Variants in FOXP4 observed in about 807,000 individuals in gnomAD.
FOXP4 encodes forkhead box protein P4.
FOXP4 carries 25 observed loss-of-function variants against 82.6 expected under a neutral mutation model. That is an observed-to-expected ratio of 0.30 (90% CI 0.22 to 0.42). The LOEUF is 0.42. Ranked by LOEUF, FOXP4 falls within the 10% of genes least tolerant of loss-of-function variation. The pLI is 1.00. For synonymous variants in FOXP4, 415 were observed against 388.2 expected, an observed-to-expected ratio of 1.07 and a Z score of -0.81; for missense variants, 785 against 900.9, an observed-to-expected ratio of 0.87 and a Z score of 1.65.
intron 1 of FOXP4, 148 bp downstream of exon 1, chr6:41,547,015 A>G (rs1763666928): frequency 6.6e-6 from 1 of 150,888 alleles, no homozygotes; most frequent in Non-Finnish European, 1.5e-5. Context: ...GCCGGGCGCC[A>G]GGAGGAGCCG....
At chr6:41,582,358 G>C (rs1396270754) in intron 3 of FOXP4, among the ~76,000 whole-genome samples, 3 of 152,206 alleles carry the variant, frequency 2.0e-5, no homozygotes, top group Non-Finnish European at 1.5e-5. Flanking sequence ...GTGCCGTGCT[G>C]GGCACATAAT....
Position 41,580,462 on chromosome 6 carries a change from G to A in FOXP4, c.300+2381G>A, listed in dbSNP as rs775868497. On this transcript the variant is annotated intron_variant, in intron 3 of 16. Transcript: ENST00000307972. ...GTAATAATGCCAATATTTCCCTGGT[G>A]TAGAAGCCTAGGCCAGATGGTTCTC... 9.2e-5 allele frequency among the ~76,000 whole-genome samples: 14 copies of A among 152,320 alleles called. No homozygotes were observed. The East Asian group carries it at 9.7e-4, about 11-fold the overall frequency.
chr6:41,586,858 C>T lies in FOXP4; in HGVS notation c.511-151C>T, dbSNP rs1466118885. ...GCATGCAGCCTTATGGAAGCTGGGCCGGGAGCAGAGACACTGCAGCTGCAG... is the reference window on the plus strand; with the variant it reads ...GCATGCAGCCTTATGGAAGCTGGGCTGGGAGCAGAGACACTGCAGCTGCAG... On this transcript the variant is annotated intron_variant, in intron 5 of 16. Coordinates refer to ENST00000307972, the MANE Select transcript of FOXP4 (RefSeq NM_001012426.2). 2.0e-5 allele frequency: 26 copies of T among 1,320,272 alleles called. 1 individual carries two copies. Among genetic ancestry groups the T allele is most frequent in the East Asian group, 7.6e-5 (3 of 39,326 alleles). 81.8% of individuals were successfully genotyped at this position (1,320,272 alleles called of 1,614,324 possible).
intron 1 of FOXP4, among the ~76,000 whole-genome samples, chr6:41,551,739 A>G (rs903267269): frequency 1.3e-5 from 2 of 152,188 alleles, no homozygotes; most frequent in Non-Finnish European, 2.9e-5. Flanking sequence ...AAGTTACTCA[A>G]GTAGCAGCAA....
rs544093628 is a variant in FOXP4 at position 41,597,096 on chromosome 6, G to A, written c.1659-80G>A. 662 of 1,460,588 alleles carry A rather than the reference G, an allele frequency of 4.5e-4. 2 individuals are homozygous for A. The South Asian group carries it at 5.9e-3, about 13-fold the overall frequency. 90.5% of individuals were successfully genotyped at this position (1,460,588 alleles called of 1,614,324 possible). A position where few individuals can be genotyped will look rare whatever the true frequency, so the allele number is the denominator to read the frequency against. ...ATGGGACCCATTCCCAGCACAGGCC[G>A]TTACTTAGTGAGAGTAAAGAGATGC... On this transcript the variant is annotated intron_variant, in intron 14 of 16. Coordinates refer to ENST00000307972, the MANE Select transcript of FOXP4 (RefSeq NM_001012426.2).
intron 2 of FOXP4, among the ~76,000 whole-genome samples, chr6:41,569,904 C>A (rs1361751367): frequency 1.3e-5 from 2 of 151,816 alleles, no homozygotes; most frequent in Non-Finnish European, 1.5e-5. Context: ...CCTCACCCCC[C>A]CTTCAAAGAG....
At chr6:41,572,945 T>C (rs1765280243) in intron 2 of FOXP4, among the ~76,000 whole-genome samples, 1 of 152,168 alleles carries the variant, frequency 6.6e-6, no homozygotes, top group African/African-American at 2.4e-5. Context: ...TACCTATTTT[T>C]TGACCCACTA....
chr6:41,570,110 A>ACACACACACACG lies in FOXP4; in HGVS notation c.204+4153_204+4154insACACGCACACAC, dbSNP rs1554173100. On this transcript the variant is annotated intron_variant, in intron 2 of 16. Coordinates refer to ENST00000307972, the MANE Select transcript of FOXP4 (RefSeq NM_001012426.2). ...CACACACACACACACACACACACACACACACACGCAGTCAACAGTTGTCTT... is the reference window on the plus strand; with the variant it reads ...CACACACACACACACACACACACACACACACACACACGCACACACGCAGTCAACAGTTGTCTT... The ACACACACACACG allele has an allele frequency of 5.2e-5, 18 of 345,930 alleles. 1 individual carries two copies. The highest frequency in any genetic ancestry group is 3.5e-4 in the African/African-American group (16 of 45,732). 21.4% of individuals were successfully genotyped at this position (345,930 alleles called of 1,614,324 possible).
At chr6:41,570,368 C>T (rs1419607448) in intron 2 of FOXP4, 1 of 471,286 alleles carries the variant, frequency 2.1e-6, no homozygotes. Context: ...TGCTCAGAAA[C>T]TGCCCTTTCC....
intron 2 of FOXP4, chr6:41,570,202 T>C (rs1024461333): frequency 9.4e-6 from 4 of 425,758 alleles, no homozygotes; most frequent in African/African-American, 2.0e-5. Flanking sequence ...TTCTACTGTT[T>C]CCTGTCTGAT....
chr6:41,597,306 G>A lies in FOXP4; in HGVS notation c.1725+64G>A, dbSNP rs1171344045. 5 of 1,543,218 alleles carry A rather than the reference G, an allele frequency of 3.2e-6. No individual in the cohort carries two copies. In the Admixed American group the frequency reaches 8.4e-5, roughly 26 times the overall value. ...CGCCCCCTTGCTTTCTCATACAAGA[G>A]ACCCCCATCCTCCCCTGCAGAGGAC... On this transcript the variant is annotated intron_variant, in intron 15 of 16. Coordinates refer to ENST00000307972, the MANE Select transcript of FOXP4 (RefSeq NM_001012426.2).
intron 15 of FOXP4, among the ~76,000 whole-genome samples, chr6:41,597,506 G>A (rs1304409737): frequency 4.6e-5 from 7 of 152,200 alleles, no homozygotes; most frequent in Non-Finnish European, 7.3e-5. Flanking sequence ...GTCAGTCTGG[G>A]GGTTCTCTGT....
In FOXP4 at chr6:41,558,661, A is replaced by T. The variant is rs942360652; in HGVS notation, c.-16-7084A>T. Among the ~76,000 whole-genome samples, 3 of 152,214 alleles carry T rather than the reference A, an allele frequency of 2.0e-5. No homozygotes were observed. Among genetic ancestry groups the T allele is most frequent in the Non-Finnish European group, 2.9e-5 (2 of 68,024 alleles). On this transcript the variant is annotated intron_variant, in intron 1 of 16. Transcript: ENST00000307972. The surrounding 1 kb of genome is among the most constrained non-coding windows in gnomAD (Gnocchi z 4.0). The stretch of plus-strand genomic sequence containing the variant: ...AAATGAGTGGCTGGCTAAGTAAGCC[A>T]GAGGCCCAAAGTGGCCACTGCCCTG...
intron 1 of FOXP4, among the ~76,000 whole-genome samples, chr6:41,548,147 G>A (rs1458031295): frequency 6.6e-6 from 1 of 152,176 alleles, no homozygotes; most frequent in East Asian, 1.9e-4. Flanking sequence ...GGCTTCCCTG[G>A]CCAGCCCCCT....
In FOXP4 at chr6:41,602,151, G is replaced by A. The variant is rs940424688; in HGVS notation, c.*3215G>A. 1 of 152,232 alleles carries A rather than the reference G, an allele frequency of 6.6e-6. No homozygotes were observed. The highest frequency in any genetic ancestry group is 1.5e-5 in the Non-Finnish European group (1 of 68,072). 9.4% of individuals were successfully genotyped at this position (152,232 alleles called of 1,614,324 possible). ...CCTAATCCTCTGGACGCTTGTGTAG[G>A]GCCTGGGGTGAATTCCCTGTCCCCC... On this transcript the variant is annotated 3_prime_UTR_variant, in exon 17 of 17. Coordinates refer to ENST00000307972, the MANE Select transcript of FOXP4 (RefSeq NM_001012426.2).
At chr6:41,592,310 G>A (rs555418048) in intron 13 of FOXP4, among the ~76,000 whole-genome samples, 16 of 152,298 alleles carry the variant, frequency 1.1e-4, no homozygotes, top group Admixed American at 8.5e-4. Flanking sequence ...TTTGCCCTGG[G>A]ATTATGCTAA....
At chr6:41,571,500 G>T (rs1765196349) in intron 2 of FOXP4, among the ~76,000 whole-genome samples, 1 of 152,210 alleles carries the variant, frequency 6.6e-6, no homozygotes, top group South Asian at 2.1e-4. Flanking sequence ...CACTTGGTAG[G>T]GAAGGCGTCC....
chr6:41,585,350 C>A, intron 4 of FOXP4, 81 bp from the exon 5 acceptor site: 1 of 1,413,642 alleles, frequency 7.1e-7, no homozygotes, highest in Non-Finnish European at 9.7e-7. Context: ...TTCTCCTGCC[C>A]CCAGGAGCCC....
intron 3 of FOXP4, among the ~76,000 whole-genome samples, chr6:41,578,880 G>A (rs2127377894): frequency 6.6e-6 from 1 of 152,276 alleles, no homozygotes; most frequent in African/African-American, 2.4e-5. Context: ...CCCCAGCAGA[G>A]GGAGGCTCAG....
Sources: gnomAD v4.1 joint callset for allele counts (sites outside exome capture counted in the v4.1 genomes callset) on GRCh38, gnomAD v4.1.1 for gene constraint, Gnocchi (gnomAD v3.1) non-coding constraint, MANE v1.5 for transcripts, NCBI Gene and HGNC (gene_info 2026-07-23, HGNC 2026-07-21) for gene names.